Variants in PCDH15 observed in about 807,000 individuals in gnomAD.
PCDH15 encodes the protein protocadherin-15.
In PCDH15, 129 loss-of-function variants were observed where a neutral mutation model predicts 178.5. The observed-to-expected ratio is 0.72, with a 90% CI of 0.63 to 0.84. The LOEUF is 0.84. PCDH15 is among the 40% of genes least tolerant of loss of function. PCDH15 has a pLI of 0.00. For synonymous variants in PCDH15, 800 were observed against 732.0 expected (o/e 1.09, Z -1.50); for missense variants, 2,230 against 2,099.9 (o/e 1.06, Z -1.21).
chr10:53,917,958 C>T (rs1165353404), intron 25 of PCDH15, among the ~76,000 whole-genome samples: 1 of 152,114 alleles, frequency 6.6e-6, no homozygotes, highest in African/African-American at 2.4e-5. Flanking sequence ...CTGGCTCTCC[C>T]TTCACTTTCC....
chr10:53,855,396 G>A lies in PCDH15; in HGVS notation c.3806+1779C>T, dbSNP rs183612829. 8.7e-4 allele frequency among the ~76,000 whole-genome samples: 133 copies of A among 152,024 alleles called. 1 individual carries two copies. The highest frequency in any genetic ancestry group is 2.3e-3 in the African/African-American group (97 of 41,500). ...TATAATCAGCTATTATTTTGAAAAG[G>A]CTCAGTGTATATAAACTACTTCTGC... On this transcript the variant is annotated intron_variant, in intron 28 of 37. Transcript: ENST00000644397.
At chr10:55,347,944 T>C (rs1199256816) in intron 2 of PCDH15, among the ~76,000 whole-genome samples, 1 of 152,030 alleles carries the variant, frequency 6.6e-6, no homozygotes, top group Non-Finnish European at 1.5e-5. Context: ...TAATTTCTTA[T>C]ATCATACAAT....
intron 15 of PCDH15, among the ~76,000 whole-genome samples, chr10:54,097,126 C>G (rs2094714005): frequency 1.3e-5 from 2 of 152,166 alleles, no homozygotes; most frequent in Non-Finnish European, 1.5e-5. Flanking sequence ...TAATTTTTCC[C>G]AGGCTTCTTC....
intron 2 of PCDH15, among the ~76,000 whole-genome samples, chr10:55,455,619 T>C (rs1320121424): frequency 6.6e-6 from 1 of 151,908 alleles, no homozygotes; most frequent in Non-Finnish European, 1.5e-5. Flanking sequence ...AAAAAAAAGG[T>C]GAATAAGTAT....
At chr10:54,166,057 C>T (rs1176327302) in intron 13 of PCDH15, among the ~76,000 whole-genome samples, 2 of 152,172 alleles carry the variant, frequency 1.3e-5, no homozygotes, top group Non-Finnish European at 2.9e-5. Flanking sequence ...AAAAGCAAAT[C>T]TTTGAGCATT....
intron 5 of PCDH15, among the ~76,000 whole-genome samples, chr10:54,359,797 A>C (rs1405567772): frequency 6.6e-6 from 1 of 151,120 alleles, no homozygotes; most frequent in Non-Finnish European, 1.5e-5. Flanking sequence ...AAATGTTTTT[A>C]GTCATTCCTT....
At chr10:53,919,487 G>C (rs1292496159) in intron 25 of PCDH15, among the ~76,000 whole-genome samples, 2 of 152,160 alleles carry the variant, frequency 1.3e-5, no homozygotes, top group Non-Finnish European at 2.9e-5. Flanking sequence ...AGTGTTTTCT[G>C]TGCATTATTT....
intron 18 of PCDH15, among the ~76,000 whole-genome samples, chr10:54,026,010 T>A (rs1416943570): frequency 1.9e-4 from 29 of 152,150 alleles, no homozygotes; most frequent in Admixed American, 1.9e-3. Context: ...TGTGTGCACA[T>A]GTGTGCAAGT....
chr10:54,795,729 C>CTGGA (rs1255533483), intron 1 of PCDH15, among the ~76,000 whole-genome samples: 6 of 151,806 alleles, frequency 4.0e-5, no homozygotes, highest in Non-Finnish European at 5.9e-5. Context: ...GGTGATGCAA[C>CTGGA]TATAGCTTAT....
At chr10:54,304,335 TTTG>T (rs2060334430) in intron 8 of PCDH15, among the ~76,000 whole-genome samples, 1 of 152,220 alleles carries the variant, frequency 6.6e-6, no homozygotes, top group South Asian at 2.1e-4. Flanking sequence ...TCTCTATGAC[TTTG>T]TTGTTGTTTA....
intron 34 of PCDH15, among the ~76,000 whole-genome samples, chr10:53,817,495 C>CTTTG (rs1229282680): frequency 1.5e-5 from 2 of 136,886 alleles, no homozygotes; most frequent in Non-Finnish European, 3.2e-5. Context: ...TATATATATT[C>CTTTG]TTTGTTTTTT....
chr10:53,816,437 TTAAC>T (rs1395534896), intron 34 of PCDH15, among the ~76,000 whole-genome samples, 160 bp from the exon 35 acceptor site: 3 of 152,206 alleles, frequency 2.0e-5, no homozygotes, highest in African/African-American at 7.2e-5. Flanking sequence ...ATTAAATATT[TTAAC>T]TAATTCTTTA....
At chr10:54,913,736 G>T (rs1193889518) in intron 2 of PCDH15, among the ~76,000 whole-genome samples, 1 of 152,220 alleles carries the variant, frequency 6.6e-6, no homozygotes, top group Non-Finnish European at 1.5e-5. Context: ...GGACAGAGCT[G>T]CCCAATTCCT....
At chr10:53,865,392 C>G (rs537813863) in intron 27 of PCDH15, among the ~76,000 whole-genome samples, 1 of 152,178 alleles carries the variant, frequency 6.6e-6, no homozygotes, top group South Asian at 2.1e-4. Context: ...GACTGGACAT[C>G]CTGGTAGGAA....
At chr10:54,405,085 A>G (rs1952468085) in intron 3 of PCDH15, among the ~76,000 whole-genome samples, 1 of 152,112 alleles carries the variant, frequency 6.6e-6, no homozygotes, top group Non-Finnish European at 1.5e-5. Flanking sequence ...ACTGTGGAAG[A>G]GAGTGTGGTG....
chr10:55,277,824 C>T lies in PCDH15; in HGVS notation c.-156+41775G>A, dbSNP rs915522927. Among the ~76,000 whole-genome samples the T allele has an allele frequency of 2.0e-5, 3 of 151,886 alleles. No homozygotes were observed. In the East Asian group the frequency reaches 5.8e-4, roughly 29 times the overall value. On this transcript the variant is annotated intron_variant, in intron 1 of 5. Transcript: ENST00000458638. ...CAAACTCTATAAGTGTTTGAGACTC[C>T]GCCTCATAAAATGTCCATTAGAGGA...
intron 1 of PCDH15, among the ~76,000 whole-genome samples, chr10:54,721,301 T>C (rs72794548): frequency 3.3e-5 from 5 of 151,578 alleles, no homozygotes; most frequent in African/African-American, 7.3e-5. Context: ...CAAAGTAACA[T>C]CCAAATTTTG....
chr10:54,858,995 T>C (rs1195179833), intron 3 of PCDH15, among the ~76,000 whole-genome samples: 1 of 152,130 alleles, frequency 6.6e-6, no homozygotes, highest in Non-Finnish European at 1.5e-5. Flanking sequence ...TAGCTTTATG[T>C]ATCCTGTGAT....
chr10:54,023,315 A>G lies in PCDH15; in HGVS notation c.2221-118T>C, dbSNP rs1297820902. 3 of 900,356 alleles carry G rather than the reference A, an allele frequency of 3.3e-6. No individual in the cohort carries two copies. In the Admixed American group the frequency reaches 6.5e-5, roughly 19 times the overall value. The allele number at this position is 900,356 out of a possible 1,614,324, so 55.8% of individuals were successfully genotyped here. A position where few individuals can be genotyped will look rare whatever the true frequency, so the allele number is the denominator to read the frequency against. On this transcript the variant is annotated intron_variant, in intron 18 of 37. Transcript: ENST00000644397. ...CTAACCAAAAATTATTTGGCCCTCT[A>G]AGGAGGAAATGACAATGACAATACA...
Sources: allele counts gnomAD v4.1 joint callset (sites outside exome capture counted in the v4.1 genomes callset), GRCh38; gene constraint gnomAD v4.1.1; transcripts MANE v1.5; gene names NCBI Gene and HGNC (gene_info 2026-07-23, HGNC 2026-07-21).